DOCK1: variants seen among roughly 807,000 people sequenced by gnomAD.
DOCK1 encodes dedicator of cytokinesis 1, also known as dedicator of cytokinesis protein 1.
A neutral mutation model predicts 262.7 loss-of-function variants in DOCK1; 138 were observed. The observed-to-expected ratio is 0.53, with a 90% CI of 0.46 to 0.61. DOCK1 has a LOEUF of 0.61. Ranked by LOEUF, DOCK1 falls within the 20% of genes least tolerant of loss-of-function variation. The pLI, the probability that DOCK1 is intolerant of heterozygous loss-of-function variation, is 0.00. For synonymous variants in DOCK1, 866 were observed against 867.4 expected, an observed-to-expected ratio of 1.00 and a Z score of 0.03; for missense variants, 1,908 against 2,370.7, an observed-to-expected ratio of 0.80 and a Z score of 4.05.
At chr10:127,236,901 G>A (rs1368965242) in intron 27 of DOCK1, among the ~76,000 whole-genome samples, 1 of 152,072 alleles carries the variant, frequency 6.6e-6, no homozygotes, top group African/African-American at 2.4e-5. Flanking sequence ...GAGTTTTACA[G>A]ATGAGGAAAA....
chr10:127,032,088 G>T, intron 17 of DOCK1, 49 bp from the exon 18 acceptor site: 2 of 1,555,382 alleles, frequency 1.3e-6, no homozygotes, highest in Non-Finnish European at 1.7e-6. Flanking sequence ...AAAATGGTGT[G>T]TTGCTGTTTG....
chr10:127,087,792 A>C, intron 23 of DOCK1, among the ~76,000 whole-genome samples: 1 of 152,224 alleles, frequency 6.6e-6, no homozygotes, highest in East Asian at 1.9e-4. Context: ...TTAAATAGAT[A>C]AGGAAACTTT....
chr10:127,181,157 C>G (rs1002044472), intron 27 of DOCK1, among the ~76,000 whole-genome samples: 2 of 152,092 alleles, frequency 1.3e-5, no homozygotes, highest in African/African-American at 4.8e-5. Flanking sequence ...AAATGAATTT[C>G]AAGTGTGTAT....
intron 27 of DOCK1, among the ~76,000 whole-genome samples, chr10:127,233,690 G>C (rs1195230679): frequency 6.6e-6 from 1 of 152,336 alleles, no homozygotes; most frequent in Non-Finnish European, 1.5e-5. Flanking sequence ...CCAAAACACA[G>C]TGTGCCTTCG....
chr10:127,009,790 C>T (rs570504640), intron 11 of DOCK1, among the ~76,000 whole-genome samples: 1 of 152,248 alleles, frequency 6.6e-6, no homozygotes, highest in Admixed American at 6.5e-5. Flanking sequence ...TGAAGGAGCC[C>T]TGTCCTTGGG....
intron 27 of DOCK1, among the ~76,000 whole-genome samples, chr10:127,220,176 TG>T (rs762280356): frequency 2.6e-5 from 4 of 151,294 alleles, no homozygotes; most frequent in Non-Finnish European, 5.9e-5. Context: ...CCTAGATAAA[TG>T]GGAAGTTGTC....
At chr10:127,442,759 C>T (rs1339383509) in intron 49 of DOCK1, among the ~76,000 whole-genome samples, 1 of 152,214 alleles carries the variant, frequency 6.6e-6, no homozygotes, top group Non-Finnish European at 1.5e-5. Context: ...ATGCTGAGCA[C>T]AGCTGGGAAT....
chr10:126,965,749 C>G (rs992205201), intron 1 of DOCK1, among the ~76,000 whole-genome samples: 1 of 152,110 alleles, frequency 6.6e-6, no homozygotes, highest in African/African-American at 2.4e-5. Context: ...AATGTTTTCT[C>G]TGCATCAGTT....
chr10:126,936,075 G>C (rs2034540278), intron 1 of DOCK1, among the ~76,000 whole-genome samples: 1 of 152,154 alleles, frequency 6.6e-6, no homozygotes, highest in South Asian at 2.1e-4. Context: ...TGAACTCCTA[G>C]GCTCAAGTGA....
intron 27 of DOCK1, among the ~76,000 whole-genome samples, chr10:127,161,966 T>G (rs1175215793): frequency 2.0e-5 from 3 of 152,226 alleles, no homozygotes; most frequent in Admixed American, 6.5e-5. Flanking sequence ...AGTAAAACTC[T>G]GGAAAACTGT....
intron 35 of DOCK1, 37 bp downstream of exon 35, chr10:127,374,251 C>T: frequency 6.3e-7 from 1 of 1,580,832 alleles, no homozygotes; most frequent in Non-Finnish European, 8.6e-7. Flanking sequence ...TCAGTTTTCA[C>T]AGCACACCAG....
intron 28 of DOCK1, 141 bp downstream of exon 28, chr10:127,248,250 A>G (rs1040925530): frequency 1.3e-6 from 1 of 782,348 alleles, no homozygotes; most frequent in Admixed American, 2.6e-5. Context: ...CCTCCTGGGA[A>G]GGTCTGACTG....
At chr10:127,036,414 G>T (rs1382183120) in intron 18 of DOCK1, among the ~76,000 whole-genome samples, 1 of 151,498 alleles carries the variant, frequency 6.6e-6, no homozygotes, top group South Asian at 2.1e-4. Context: ...ATGGATGTCT[G>T]TATTTCCTGA....
intron 27 of DOCK1, among the ~76,000 whole-genome samples, chr10:127,159,835 A>C (rs1020436569): frequency 6.6e-6 from 1 of 152,160 alleles, no homozygotes; most frequent in Non-Finnish European, 1.5e-5. Flanking sequence ...CCTCAGCCTG[A>C]GAGCCGCACC....
In DOCK1 at chr10:127,061,786, G is replaced by T. The variant is rs904672115; in HGVS notation, c.2445+10G>T. The T allele has an allele frequency of 1.3e-6, 2 of 1,569,700 alleles. No individual in the cohort carries two copies. The highest frequency in any genetic ancestry group is 2.3e-5 in the East Asian group (1 of 42,772). Reference sequence around the variant, plus strand: ...GACCGTCCGGGTGAAGGTGAGTGCCGGCCACTGCCAAGGCAGACTTCTCCT... The same window carrying T: ...GACCGTCCGGGTGAAGGTGAGTGCCTGCCACTGCCAAGGCAGACTTCTCCT... On this transcript the variant is annotated intron_variant, in intron 23 of 51. Transcript: ENST00000623213.
chr10:127,145,754 T>C (rs1306962652), intron 27 of DOCK1, among the ~76,000 whole-genome samples: 3 of 152,180 alleles, frequency 2.0e-5, no homozygotes, highest in Admixed American at 2.0e-4. Flanking sequence ...CCCTGGTTTC[T>C]AGATGTGGTC....
intron 1 of DOCK1, among the ~76,000 whole-genome samples, chr10:126,968,767 C>G (rs1215238734): frequency 6.6e-6 from 1 of 152,200 alleles, no homozygotes. Flanking sequence ...TCATGCTGAG[C>G]TGGGGAAGTC....
At chr10:127,338,893 C>G (rs1289604046) in intron 29 of DOCK1, 113 bp from the exon 30 acceptor site, 8 of 893,012 alleles carry the variant, frequency 9.0e-6, no homozygotes, top group Admixed American at 6.9e-5. Context: ...TTGCGCAAGA[C>G]TTGGAGAGTT....
At chr10:126,945,088 C>T (rs974554791) in intron 1 of DOCK1, among the ~76,000 whole-genome samples, 8 of 152,154 alleles carry the variant, frequency 5.3e-5, no homozygotes, top group South Asian at 2.1e-4. Context: ...CCGCCTGCCT[C>T]GGCCTCCCAA....
Sources: gnomAD v4.1 joint callset for allele counts (sites outside exome capture counted in the v4.1 genomes callset) on GRCh38, gnomAD v4.1.1 for gene constraint, MANE v1.5 for transcripts, NCBI Gene and HGNC (gene_info 2026-07-23, HGNC 2026-07-21) for gene names.